The following SUN2 variants were observed in gnomAD, a reference collection of about 807,000 sequenced individuals.
SUN2 encodes SUN domain-containing protein 2.
In SUN2, 60 loss-of-function variants were observed where a neutral mutation model predicts 100.0. That is an observed-to-expected ratio of 0.60 (90% CI 0.49 to 0.74). The LOEUF is 0.74. Among genes scored for constraint, SUN2 ranks in the 30% least tolerant of loss-of-function variants. SUN2 has a pLI of 0.00. For synonymous variants in SUN2, 367 were observed against 403.3 expected (o/e 0.91, Z 1.08); for missense variants, 834 against 954.6 (o/e 0.87, Z 1.66).
rs1346628996 is a variant in SUN2, at chr22:38,747,646, A to G, written c.685+1067T>C. Among the ~76,000 whole-genome samples the G allele has an allele frequency of 3.9e-5, 6 of 152,198 alleles. No individual in the cohort carries two copies. In the East Asian group the frequency reaches 7.7e-4, roughly 20 times the overall value. ...GTAAAAAGCTGAACACAAAATGTCT[A>G]TATAAACAAGGAAGGGCTGGGTGCA... On this transcript the variant is annotated intron_variant, in intron 7 of 17. Coordinates refer to ENST00000689035, the MANE Select transcript of SUN2 (RefSeq NM_015374.3).
At chr22:38,754,603 T>TGGGGTGGGGGGGGGGGGGG in intron 1 of SUN2, 1 of 889,150 alleles carries the variant, frequency 1.1e-6, no homozygotes, top group Non-Finnish European at 1.6e-6. Flanking sequence ...TAAGGTAATC[T>TGGGGTGGGGGGGGGGGGGG]CCCCTCCCCC....
chr22:38,755,600 G>GGC lies in SUN2; in HGVS notation c.-38+161_-38+162dup, dbSNP rs1569309099. ...GGGCGGGGGCCAGGAGGTGAGTCAGGGCGCGGGCCGCGGACCCGGGTGGAG... is the reference window on the plus strand; with the variant it reads ...GGGCGGGGGCCAGGAGGTGAGTCAGGGCGCGCGGGCCGCGGACCCGGGTGGAG... On this transcript the variant is annotated intron_variant, in intron 1 of 17. Coordinates refer to ENST00000689035, the MANE Select transcript of SUN2 (RefSeq NM_015374.3). The surrounding 1 kb of genome is among the most constrained non-coding windows in gnomAD (Gnocchi z 5.7). 8 of 943,308 alleles carry GGC rather than the reference G, an allele frequency of 8.5e-6. No homozygotes were observed. Among genetic ancestry groups the GGC allele is most frequent in the Non-Finnish European group, 1.0e-5 (8 of 791,460 alleles). The allele number at this position is 943,308 out of a possible 1,614,324, so 58.4% of individuals were successfully genotyped here.
rs1486844848 is a variant in SUN2, at chr22:38,751,033, C to T, written c.289G>A (p.Glu97Lys). The T allele has an allele frequency of 5.6e-6, 9 of 1,612,742 alleles. No individual in the cohort carries two copies. The highest frequency in any genetic ancestry group is 7.6e-6 in the Non-Finnish European group (9 of 1,179,518). ...EELHGDANWG[E>K]DLRVRRRRGT... ...CTCCTCCTCCGCACCCGCAGGTCCT[C>T]ACCTGTGCAGGGAAGAACCAGGGGC... The change falls in exon 4 of 18, where the codon GAG becomes AAG. Residue 97 changes from glutamate to lysine, a missense_variant and splice_region_variant. Physicochemically the swap from Glu to Lys is moderately conservative, Grantham distance 56 (BLOSUM62 1). Coordinates refer to ENST00000689035, the MANE Select transcript of SUN2 (RefSeq NM_015374.3).
At chr22:38,742,902 C>T (rs976101156) in intron 8 of SUN2, 12 of 219,720 alleles carry the variant, frequency 5.5e-5, no homozygotes, top group Non-Finnish European at 9.9e-5. Flanking sequence ...CTGCAGGGGG[C>T]CGTGGACCCT....
At position 38,735,299 on chromosome 22, in the gene SUN2, C is replaced by T. The variant is rs1244459761; in HGVS notation, c.*968G>A. ...GGGCAGCCTGAGCGGACGACCCCTA[C>T]ATCAGGGCCTGGTTAGATGTGGGGG... On this transcript the variant is annotated 3_prime_UTR_variant, in exon 18 of 18. Transcript: ENST00000689035. 4.4e-6 allele frequency: 2 copies of T among 451,498 alleles called. No homozygotes were observed. Among genetic ancestry groups the T allele is most frequent in the Admixed American group, 4.8e-5 (2 of 41,464 alleles). The allele number at this position is 451,498 out of a possible 1,614,324, so 28.0% of individuals were successfully genotyped here.
Position 38,739,652 on chromosome 22 carries a change from TG to T in SUN2, c.1578+69del. 6.5e-7 allele frequency: 1 copy of T among 1,545,570 alleles called. No homozygotes were observed. The highest frequency in any genetic ancestry group is 8.9e-7 in the Non-Finnish European group (1 of 1,129,882). On this transcript the variant is annotated intron_variant, in intron 13 of 17. Coordinates refer to ENST00000689035, the MANE Select transcript of SUN2 (RefSeq NM_015374.3). This position sits in a 1 kb window ranked among gnomAD's most constrained non-coding sequence, Gnocchi z 6.7. ...GGAACCTGCCAGGGAGCTGGCAGTG[TG>T]GGACTGTCCAGGGCTCCCAGGGAGG...
At chr22:38,751,443 C>T (rs1482740462) in intron 2 of SUN2, 70 bp from the exon 3 acceptor site, 1 of 1,572,322 alleles carries the variant, frequency 6.4e-7, no homozygotes, top group Non-Finnish European at 8.6e-7. Context: ...TGAAGGAAAG[C>T]CACAGCCTGC....
intron 5 of SUN2, 116 bp downstream of exon 5, chr22:38,750,109 C>A: frequency 6.8e-7 from 1 of 1,464,456 alleles, no homozygotes; most frequent in Non-Finnish European, 9.2e-7. Context: ...CTAGAATGAC[C>A]TTTCCCCAAT....
chr22:38,748,946 C>G, intron 6 of SUN2, 163 bp from the exon 7 acceptor site: 3 of 654,954 alleles, frequency 4.6e-6, no homozygotes, highest in Non-Finnish European at 8.1e-6. Context: ...AGCCTGGACA[C>G]GTCAGAGCCT....
intron 9 of SUN2, 95 bp downstream of exon 9, chr22:38,742,206 A>T: frequency 1.4e-6 from 2 of 1,459,404 alleles, no homozygotes; most frequent in Non-Finnish European, 1.8e-6. Flanking sequence ...GAGCTGTCTG[A>T]TCCCAAATGA....
chr22:38,754,197 A>C (rs1247108792), intron 1 of SUN2, among the ~76,000 whole-genome samples: 1 of 152,216 alleles, frequency 6.6e-6, no homozygotes, highest in Non-Finnish European at 1.5e-5. Context: ...ACCCGAATTC[A>C]AAGTCCCCGA....
At position 38,739,542 on chromosome 22, in the gene SUN2, G is replaced by A; in HGVS notation, c.1579-116C>T. ...ACCCCTTCTAGGCTTGCACTGTGCT[G>A]GTGCCCAGGCAGATGTGGGCACACT... On this transcript the variant is annotated intron_variant, in intron 13 of 17. Transcript: ENST00000689035. The surrounding 1 kb of genome is among the most constrained non-coding windows in gnomAD (Gnocchi z 6.7). 7.4e-7 allele frequency: 1 copy of A among 1,359,754 alleles called. No individual in the cohort carries two copies. Among genetic ancestry groups the A allele is most frequent in the Non-Finnish European group, 1.0e-6 (1 of 972,120 alleles). The allele number at this position is 1,359,754 out of a possible 1,614,324, so 84.2% of individuals were successfully genotyped here.
Position 38,738,122 on chromosome 22 carries a change from GCCT to G in SUN2, c.2040+48_2040+50del, listed in dbSNP as rs772348035. On this transcript the variant is annotated intron_variant, in intron 17 of 17. Coordinates refer to ENST00000689035, the MANE Select transcript of SUN2 (RefSeq NM_015374.3). This position sits in a 1 kb window ranked among gnomAD's most constrained non-coding sequence, Gnocchi z 6.6. The stretch of plus-strand genomic sequence containing the variant: ...GGTAAGTGCCCAGGGAGCACCTGCT[GCCT>G]GGATGGGGAGTCTGCGCCACTTCTG... The G allele has an allele frequency of 6.5e-7, 1 of 1,529,944 alleles. No individual in the cohort carries two copies. Among genetic ancestry groups the G allele is most frequent in the South Asian group, 1.1e-5 (1 of 89,338 alleles). The allele number at this position is 1,529,944 out of a possible 1,614,324, so 94.8% of individuals were successfully genotyped here.
At chr22:38,752,864 G>A (rs1459703418) in intron 1 of SUN2, among the ~76,000 whole-genome samples, 199 bp from the exon 2 acceptor site, 1 of 152,218 alleles carries the variant, frequency 6.6e-6, no homozygotes, top group East Asian at 1.9e-4. Context: ...CTGTGCAGCG[G>A]CTGGAGTCAC....
intron 8 of SUN2, chr22:38,743,171 A>T (rs1569299275): frequency 1.3e-5 from 2 of 152,296 alleles, no homozygotes; most frequent in African/African-American, 4.8e-5. Context: ...TAACAACAAA[A>T]TCATTGCCAA....
chr22:38,739,755 C>T lies in SUN2; in HGVS notation c.1545G>A (p.Leu515=). 5 of 1,613,682 alleles carry T rather than the reference C, an allele frequency of 3.1e-6. No homozygotes were observed. The highest frequency in any genetic ancestry group is 4.2e-6 in the Non-Finnish European group (5 of 1,180,006). Residue 515 remains leucine, a synonymous_variant, in exon 13 of 18, where the codon CTG becomes CTA. Coordinates refer to ENST00000689035, the MANE Select transcript of SUN2 (RefSeq NM_015374.3). The surrounding 1 kb of genome is among the most constrained non-coding windows in gnomAD (Gnocchi z 6.7). ...TCACTCCAATCACACCTTCTTTCTGCAGCGTCAGGCTCAGGGAGGCCGCGG... is the reference window on the plus strand; with the variant it reads ...TCACTCCAATCACACCTTCTTTCTGTAGCGTCAGGCTCAGGGAGGCCGCGG... ...REAAASLSLT[L]QKEGVIGVTE... is the part of the protein sequence containing the mutation.
chr22:38,754,325 C>T (rs943482854), intron 1 of SUN2, among the ~76,000 whole-genome samples: 3 of 152,228 alleles, frequency 2.0e-5, no homozygotes, highest in African/African-American at 7.2e-5. Context: ...CTGGTTGATA[C>T]TTAAATGACC....
intron 17 of SUN2, among the ~76,000 whole-genome samples, chr22:38,736,970 A>G (rs1176903608): frequency 6.6e-6 from 1 of 152,116 alleles, no homozygotes; most frequent in Non-Finnish European, 1.5e-5. Flanking sequence ...TAGCCTCCCC[A>G]GTAGCTGGGA....
At chr22:38,743,325 G>A (rs2092875469) in intron 8 of SUN2, among the ~76,000 whole-genome samples, 1 of 152,184 alleles carries the variant, frequency 6.6e-6, no homozygotes, top group Non-Finnish European at 1.5e-5. Context: ...GGTGGCTCAC[G>A]CCTGTAATCC....
Sources: allele counts gnomAD v4.1 joint callset (sites outside exome capture counted in the v4.1 genomes callset), GRCh38; gene constraint gnomAD v4.1.1; non-coding constraint Gnocchi (gnomAD v3.1); transcripts MANE v1.5; gene names NCBI Gene and HGNC (gene_info 2026-07-23, HGNC 2026-07-21).